Variants in AFAP1L1 observed in about 807,000 individuals in gnomAD.
AFAP1L1 encodes actin filament-associated protein 1-like 1.
A neutral mutation model predicts 99.8 loss-of-function variants in AFAP1L1; 77 were observed. The ratio of observed to expected loss-of-function variants is 0.77; its 90% confidence interval spans 0.64 to 0.93. The LOEUF (loss-of-function observed/expected upper bound fraction) is 0.93. AFAP1L1 is among the 40% of genes least tolerant of loss of function. AFAP1L1 has a pLI of 0.00. For missense variants in AFAP1L1, 893 were observed against 996.8 expected (o/e 0.90, Z 1.40); for synonymous variants, 373 against 395.3 (o/e 0.94, Z 0.67).
At chr5:149,334,032 A>G (rs922444195) in intron 17 of AFAP1L1, among the ~76,000 whole-genome samples, 1 of 152,256 alleles carries the variant, frequency 6.6e-6, no homozygotes, top group Non-Finnish European at 1.5e-5. Flanking sequence ...GACCCTTTAC[A>G]GAAAAATAGT....
chr5:149,305,051 T>C (rs141848317), intron 5 of AFAP1L1, among the ~76,000 whole-genome samples: 3 of 152,200 alleles, frequency 2.0e-5, no homozygotes, highest in African/African-American at 7.2e-5. Context: ...TGCTTCCTTG[T>C]CTACAAAATG....
rs538484189 is a variant in AFAP1L1 at position 149,299,453 on chromosome 5, G to A, written c.17-56G>A. 3.4e-4 allele frequency: 537 copies of A among 1,598,500 alleles called. 1 individual carries two copies. In the African/African-American group the frequency reaches 6.1e-3, roughly 18 times the overall value. On this transcript the variant is annotated intron_variant, in intron 1 of 18. Transcript: ENST00000296721. Reference sequence around the variant, plus strand: ...CTAGGTGGTGGGGGGCCGAACTCCCGGGCACAGAGCTGTGACTGTGCAGCT... The same window carrying A: ...CTAGGTGGTGGGGGGCCGAACTCCCAGGCACAGAGCTGTGACTGTGCAGCT...
Position 149,306,371 on chromosome 5 carries a change from G to C in AFAP1L1, c.502G>C (p.Ala168Pro), listed in dbSNP as rs1252324132. 2 of 1,613,220 alleles carry C rather than the reference G, an allele frequency of 1.2e-6. No homozygotes were observed. The highest frequency in any genetic ancestry group is 1.7e-6 in the Non-Finnish European group (2 of 1,179,686). Residue 168 changes from alanine to proline, a missense_variant, in exon 6 of 19, where the codon GCA (alanine) becomes CCA (proline). Coordinates refer to ENST00000296721, the MANE Select transcript of AFAP1L1 (RefSeq NM_152406.4). ...TGAGGACGCAGACAGCAGCTACCCTGCAACCAGGGTGAACGGCGAGCTTAA... is the reference window on the plus strand; with the variant it reads ...TGAGGACGCAGACAGCAGCTACCCTCCAACCAGGGTGAACGGCGAGCTTAA... ...YYEDADSSYP[A>P]TRVNGELKSS...
At chr5:149,273,677 CAG>C (rs763594948) in intron 1 of AFAP1L1, among the ~76,000 whole-genome samples, 1 of 152,064 alleles carries the variant, frequency 6.6e-6, no homozygotes, top group Non-Finnish European at 1.5e-5. Flanking sequence ...GGAGGAAAAA[CAG>C]AGAGAAGAGG....
intron 8 of AFAP1L1, 45 bp from the exon 9 acceptor site, chr5:149,312,067 C>T: frequency 6.4e-7 from 1 of 1,569,468 alleles, no homozygotes; most frequent in Non-Finnish European, 8.7e-7. Context: ...TTTGCATCAA[C>T]AGCTTCCCTG....
At chr5:149,286,762 G>C (rs1581294049) in intron 1 of AFAP1L1, among the ~76,000 whole-genome samples, 1 of 152,192 alleles carries the variant, frequency 6.6e-6, no homozygotes, top group East Asian at 1.9e-4. Context: ...GGCCTGTGGA[G>C]GTAGGGAGGG....
chr5:149,329,871 A>C (rs763591914), intron 16 of AFAP1L1, 41 bp downstream of exon 16: 7 of 1,540,730 alleles, frequency 4.5e-6, no homozygotes, highest in Non-Finnish European at 6.1e-6. Context: ...ATGGGTGGCC[A>C]GCTCATCCTT....
intron 15 of AFAP1L1, among the ~76,000 whole-genome samples, chr5:149,325,969 T>C (rs1026412331): frequency 6.6e-6 from 1 of 152,198 alleles, no homozygotes; most frequent in Non-Finnish European, 1.5e-5. Flanking sequence ...TTATGAGTTT[T>C]GGAGGGTACG....
chr5:149,330,627 C>T (rs1344978637), intron 16 of AFAP1L1, among the ~76,000 whole-genome samples: 2 of 152,056 alleles, frequency 1.3e-5, no homozygotes, highest in Non-Finnish European at 2.9e-5. Flanking sequence ...TTCTGTGTGG[C>T]CAAGAACCAG....
Position 149,315,929 on chromosome 5 carries a change from G to T in AFAP1L1, c.1114+15G>T. On this transcript the variant is annotated intron_variant, in intron 10 of 18. Coordinates refer to ENST00000296721, the MANE Select transcript of AFAP1L1 (RefSeq NM_152406.4). ...CTGTGATCACGGTAGGAGCCTCTGGGGGCTCAGGCTGGGGAATGCTGGAAC... is the reference window on the plus strand; with the variant it reads ...CTGTGATCACGGTAGGAGCCTCTGGTGGCTCAGGCTGGGGAATGCTGGAAC... The T allele has an allele frequency of 6.2e-7, 1 of 1,613,642 alleles. No homozygotes were observed. Among genetic ancestry groups the T allele is most frequent in the Non-Finnish European group, 8.5e-7 (1 of 1,179,604 alleles).
At chr5:149,307,818 T>TCTCTCTC (rs1756473058) in intron 7 of AFAP1L1, among the ~76,000 whole-genome samples, 10 of 100,504 alleles carry the variant, frequency 9.9e-5, no homozygotes, top group Non-Finnish European at 1.7e-4. Context: ...GTGCCTCTCT[T>TCTCTCTC]TCTCTCTCTC....
At chr5:149,293,520 G>A (rs574119149) in intron 1 of AFAP1L1, among the ~76,000 whole-genome samples, 2 of 152,286 alleles carry the variant, frequency 1.3e-5, no homozygotes, top group Admixed American at 6.5e-5. Context: ...AATATAAGAG[G>A]ATTAGACTAG....
At chr5:149,335,015 C>T (rs1757363615) in intron 17 of AFAP1L1, among the ~76,000 whole-genome samples, 1 of 152,152 alleles carries the variant, frequency 6.6e-6, no homozygotes, top group Non-Finnish European at 1.5e-5. Flanking sequence ...AATGGAATGA[C>T]TAATAATAGT....
In AFAP1L1 at chr5:149,332,843, G is replaced by A. The variant is rs768097629; in HGVS notation, c.2124G>A (p.Gly708=). ...QQSLAGGPAL[G]LSVSSKPKSG... is the part of the protein sequence containing the mutation. ...CCCTGGCAGGAGGGCCAGCCCTGGG[G>A]CTCTCCGTGAGCAGCAAGCCCAAGA... The change falls in exon 17 of 19, where the codon GGG becomes GGA. Residue 708 remains glycine (G), a synonymous_variant. Coordinates refer to ENST00000296721, the MANE Select transcript of AFAP1L1 (RefSeq NM_152406.4). The A allele has an allele frequency of 6.2e-7, 1 of 1,607,676 alleles. No individual in the cohort carries two copies. The highest frequency in any genetic ancestry group is 2.2e-5 in the East Asian group (1 of 44,788).
chr5:149,299,109 C>T (rs1756104276), intron 1 of AFAP1L1, among the ~76,000 whole-genome samples: 1 of 152,188 alleles, frequency 6.6e-6, no homozygotes, highest in Admixed American at 6.5e-5. Context: ...CCAGGGGCTC[C>T]AGCCTGAGAC....
chr5:149,312,144 A>C lies in AFAP1L1; in HGVS notation c.960A>C (p.Gly320=), dbSNP rs1025112562. The C allele has an allele frequency of 6.2e-7, 1 of 1,613,774 alleles. No homozygotes were observed. Among genetic ancestry groups the C allele is most frequent in the Non-Finnish European group, 8.5e-7 (1 of 1,179,958 alleles). The change falls in exon 9 of 19, where the codon GGA becomes GGC. Residue 320 remains glycine (G), a synonymous_variant. Transcript: ENST00000296721. The part of the protein sequence containing the change: ...VIREVSKPVG[G]AEGVEVPRSP... Reference sequence around the variant, plus strand: ...GAGAAGTGAGCAAGCCAGTTGGGGGAGCTGAGGGAGTGGAGGTCCCCAGAT... The same window carrying C: ...GAGAAGTGAGCAAGCCAGTTGGGGGCGCTGAGGGAGTGGAGGTCCCCAGAT...
At chr5:149,301,600 GA>G (rs1756215489) in intron 4 of AFAP1L1, among the ~76,000 whole-genome samples, 1 of 152,060 alleles carries the variant, frequency 6.6e-6, no homozygotes, top group African/African-American at 2.4e-5. Flanking sequence ...AAAAGCTCTG[GA>G]CCAGGAGTTG....
chr5:149,340,041 A>G lies in AFAP1L1; in HGVS notation c.*11A>G. 6.2e-7 allele frequency: 1 copy of G among 1,613,974 alleles called. No individual in the cohort carries two copies. Among genetic ancestry groups the G allele is most frequent in the Non-Finnish European group, 8.5e-7 (1 of 1,179,890 alleles). ...ATGAAGAAGACCTAGGAAGAGGATG[A>G]GGATTTCATTCCAAAGGAAATACCA... On this transcript the variant is annotated 3_prime_UTR_variant, in exon 19 of 19. Transcript: ENST00000296721.
intron 16 of AFAP1L1, among the ~76,000 whole-genome samples, chr5:149,330,347 T>G (rs1349341231): frequency 6.6e-6 from 1 of 152,370 alleles, no homozygotes; most frequent in African/African-American, 2.4e-5. Flanking sequence ...GCATTCTCTC[T>G]AACTGTAGTT....
Sources: gnomAD v4.1 joint callset for allele counts (sites outside exome capture counted in the v4.1 genomes callset) on GRCh38, gnomAD v4.1.1 for gene constraint, MANE v1.5 for transcripts, NCBI Gene and HGNC (gene_info 2026-07-23, HGNC 2026-07-21) for gene names.